TTLL4: variants seen among roughly 807,000 people sequenced by gnomAD.
TTLL4 encodes the protein tubulin monoglutamylase TTLL4.
A neutral mutation model predicts 122.7 loss-of-function variants in TTLL4; 85 were observed. The ratio of observed to expected loss-of-function variants is 0.69; its 90% CI spans 0.58 to 0.83. TTLL4 has a LOEUF of 0.83. Among genes scored for constraint, TTLL4 ranks in the 40% least tolerant of loss-of-function variants. TTLL4 has a pLI of 0.00. For synonymous variants in TTLL4, 553 were observed against 563.0 expected (o/e 0.98, Z 0.25); for missense variants, 1,363 against 1,488.6 (o/e 0.92, Z 1.39).
At chr2:218,753,374 A>C in intron 18 of TTLL4, 189 bp downstream of exon 18, 1 of 824,760 alleles carries the variant, frequency 1.2e-6, no homozygotes, top group Non-Finnish European at 1.9e-6. Context: ...CCTTTCTTTC[A>C]AGGATCAAAA....
chr2:218,714,856 G>A (rs975886323), intron 1 of TTLL4, among the ~76,000 whole-genome samples: 4 of 151,880 alleles, frequency 2.6e-5, no homozygotes, highest in African/African-American at 9.7e-5. Flanking sequence ...CAGTCCTCCC[G>A]CCTCAACCTC....
downstream of TTLL4, among the ~76,000 whole-genome samples, chr2:218,759,243 C>CT (rs914494737): frequency 6.6e-6 from 1 of 151,564 alleles, no homozygotes; most frequent in Non-Finnish European, 1.5e-5. Flanking sequence ...AACACTCCGT[C>CT]TCAATAAATA....
In TTLL4 at chr2:218,745,727, G is replaced by A. The variant is rs752584033; in HGVS notation, c.1823G>A (p.Arg608Gln). 1.1e-5 allele frequency: 17 copies of A among 1,612,952 alleles called. No individual in the cohort carries two copies. The African/African-American group carries it at 1.1e-4, about 10-fold the overall frequency. ...KLPWEQRKLL[R>Q]WKMSTVTPNI... ...CCCTGGGAACAGAGGAAGTTGCTCC[G>A]ATGGAAGATGAGCACAGTGACCCCC... The change falls in exon 7 of 20, where the codon CGA becomes CAA. Residue 608 changes from arginine (R) to glutamine (Q), a missense_variant. Physicochemically the swap from Arg to Gln is conservative, Grantham distance 43. Around this residue, in one of 3 missense-constraint regions of TTLL4, gnomAD observed 760 missense variants for 808.4 expected, o/e 0.94. Transcript: ENST00000392102.
At position 218,753,129 on chromosome 2, in the gene TTLL4, C is replaced by T. The variant is rs200243926; in HGVS notation, c.3202C>T (p.Arg1068Trp). Residue 1068 changes from arginine to tryptophan, a missense_variant, in exon 18 of 20, where the codon CGG (arginine) becomes TGG (tryptophan). Around this residue, in one of 3 missense-constraint regions of TTLL4, gnomAD observed 596 missense variants for 655.8 expected, o/e 0.91. Coordinates refer to ENST00000392102, the MANE Select transcript of TTLL4 (RefSeq NM_014640.5). Reference sequence around the variant, plus strand: ...TCTTGTCCTAGGAGTAGATCTGCTCCGGAGTTGGTGCTACAAAGGGTTCCA... The same window carrying T: ...TCTTGTCCTAGGAGTAGATCTGCTCTGGAGTTGGTGCTACAAAGGGTTCCA... The part of the protein sequence containing the change: ...GNKLKGVDLL[R>W]SWCYKGFHMG... 9.4e-5 allele frequency: 151 copies of T among 1,613,930 alleles called. No homozygotes were observed. Among genetic ancestry groups the T allele is most frequent in the Non-Finnish European group, 1.1e-4 (131 of 1,179,998 alleles).
At position 218,745,177 on chromosome 2, in the gene TTLL4, A is replaced by G; in HGVS notation, c.1730A>G (p.Tyr577Cys). The G allele has an allele frequency of 2.5e-6, 4 of 1,613,996 alleles. No homozygotes were observed. Among genetic ancestry groups the G allele is most frequent in the Non-Finnish European group, 2.5e-6 (3 of 1,179,978 alleles). The change falls in exon 6 of 20, where the codon TAC becomes TGC. Residue 577 changes from tyrosine (Y) to cysteine (C), a missense_variant. Physicochemically the swap from Tyr to Cys is radical, Grantham distance 194. Around this residue, in one of 3 missense-constraint regions of TTLL4, gnomAD observed 760 missense variants for 808.4 expected, o/e 0.94. Coordinates refer to ENST00000392102, the MANE Select transcript of TTLL4 (RefSeq NM_014640.5). ...AAAGTTGTCCGACCAGCCCTCATCTACAGTCTCTTTCCCAACGTTCCCCCT... is the reference window on the plus strand; with the variant it reads ...AAAGTTGTCCGACCAGCCCTCATCTGCAGTCTCTTTCCCAACGTTCCCCCT... ...HEKVVRPALI[Y>C]SLFPNVPPTI...
chr2:218,748,263 C>G (rs1257743689), intron 12 of TTLL4, 36 bp downstream of exon 12: 1 of 1,612,944 alleles, frequency 6.2e-7, no homozygotes, highest in Non-Finnish European at 8.5e-7. Context: ...CAGTGAAGGC[C>G]TAGAGGAATA....
chr2:218,728,899 T>C (rs1265725111), intron 2 of TTLL4, among the ~76,000 whole-genome samples: 5 of 149,034 alleles, frequency 3.4e-5, no homozygotes, highest in African/African-American at 1.3e-4. Context: ...GGTTGAGGCA[T>C]GGACAGGGAA....
intron 1 of TTLL4, among the ~76,000 whole-genome samples, chr2:218,719,231 G>C (rs1324474078): frequency 2.6e-5 from 4 of 152,110 alleles, no homozygotes; most frequent in African/African-American, 9.7e-5. Context: ...CCTTCTGCCA[G>C]CGTGGCTCTG....
chr2:218,719,035 GTTTTAT>G (rs1941952739), intron 1 of TTLL4, among the ~76,000 whole-genome samples: 1 of 152,106 alleles, frequency 6.6e-6, no homozygotes, highest in South Asian at 2.1e-4. Flanking sequence ...CTTTATTCAA[GTTTTAT>G]TTTTATTTTT....
At chr2:218,742,775 G>A (rs1942736598) in intron 5 of TTLL4, among the ~76,000 whole-genome samples, 1 of 152,186 alleles carries the variant, frequency 6.6e-6, no homozygotes. Flanking sequence ...GTAACATCTT[G>A]CAGAAGTACA....
At chr2:218,743,822 G>A (rs1174262214) in intron 5 of TTLL4, among the ~76,000 whole-genome samples, 2 of 152,116 alleles carry the variant, frequency 1.3e-5, no homozygotes, top group African/African-American at 2.4e-5. Flanking sequence ...TGGGACTACA[G>A]GCATGCGCCA....
In TTLL4 at chr2:218,754,284, T is replaced by C. The variant is rs1360179486; in HGVS notation, c.3495T>C (p.Ser1165=). 6.2e-7 allele frequency: 1 copy of C among 1,614,096 alleles called. No individual in the cohort carries two copies. Among genetic ancestry groups the C allele is most frequent in the Non-Finnish European group, 8.5e-7 (1 of 1,180,052 alleles). Residue 1165 remains serine, a synonymous_variant, in exon 20 of 20, where the codon TCT becomes TCC. Coordinates refer to ENST00000392102, the MANE Select transcript of TTLL4 (RefSeq NM_014640.5). ...SEDTSKEPSL[S]TQTLPVIKCS... Reference sequence around the variant, plus strand: ...ACACCAGCAAAGAGCCCAGCCTTTCTACCCAGACGTTACCTGTGATCAAGT... The same window carrying C: ...ACACCAGCAAAGAGCCCAGCCTTTCCACCCAGACGTTACCTGTGATCAAGT...
chr2:218,745,498 T>C (rs1942816056), intron 6 of TTLL4, 193 bp from the exon 7 acceptor site: 9 of 635,754 alleles, frequency 1.4e-5, no homozygotes, highest in South Asian at 1.4e-4. Context: ...GTCTTCCCTT[T>C]CTTTGTTCCT....
rs911125183 is a variant in TTLL4, at chr2:218,737,606, T to C, written c.-71T>C. ...TGACAGACTTCAAGGATGCAGCTGC[T>C]ACTACCGGAGGTGTGTGGCACCTTA... On this transcript the variant is annotated 5_prime_UTR_variant, in exon 3 of 20. Coordinates refer to ENST00000392102, the MANE Select transcript of TTLL4 (RefSeq NM_014640.5). 7 of 1,489,616 alleles carry C rather than the reference T, an allele frequency of 4.7e-6. No homozygotes were observed. Among genetic ancestry groups the C allele is most frequent in the African/African-American group, 1.4e-5 (1 of 70,998 alleles). 92.3% of individuals were successfully genotyped at this position (1,489,616 alleles called of 1,614,324 possible).
In TTLL4 at chr2:218,745,569, C is replaced by T. The variant is rs1048672513; in HGVS notation, c.1787-122C>T. The T allele has an allele frequency of 2.0e-5, 14 of 714,278 alleles. No individual in the cohort carries two copies. The African/African-American group carries it at 2.3e-4, about 12-fold the overall frequency. The allele number at this position is 714,278 out of a possible 1,614,324, so 44.2% of individuals were successfully genotyped here. On this transcript the variant is annotated intron_variant, in intron 6 of 19. Coordinates refer to ENST00000392102, the MANE Select transcript of TTLL4 (RefSeq NM_014640.5). ...GCTCCTCTGAAACCCTGATCTGGAG[C>T]AATAGTTAGTGACTTGCCTGCCCAG...
At chr2:218,734,485 C>T (rs141933266) in intron 2 of TTLL4, among the ~76,000 whole-genome samples, 12 of 152,214 alleles carry the variant, frequency 7.9e-5, no homozygotes, top group Non-Finnish European at 1.5e-4. Context: ...TGGTGGCATG[C>T]GCAGAGGTGA....
In TTLL4 at chr2:218,745,191, A is replaced by G. The variant is rs1473995479; in HGVS notation, c.1744A>G (p.Asn582Asp). 9 of 1,614,074 alleles carry G rather than the reference A, an allele frequency of 5.6e-6. No homozygotes were observed. Among genetic ancestry groups the G allele is most frequent in the Admixed American group, 1.7e-5 (1 of 60,020 alleles). ...AGCCCTCATCTACAGTCTCTTTCCC[A>G]ACGTTCCCCCTACCATCTATTTTGG... Reference protein sequence around the residue: ...RPALIYSLFPNVPPTIYFGTR... With the variant: ...RPALIYSLFPDVPPTIYFGTR... Residue 582 changes from asparagine (N) to aspartate (D), a missense_variant, in exon 6 of 20, where the codon AAC (asparagine) becomes GAC (aspartate). By Grantham distance (23) the Asn-to-Asp change is conservative. Coordinates refer to ENST00000392102, the MANE Select transcript of TTLL4 (RefSeq NM_014640.5).
rs144204191 is a variant in TTLL4 at position 218,726,481 on chromosome 2, C to T, written c.-177-788C>T. 2.9e-3 allele frequency among the ~76,000 whole-genome samples: 441 copies of T among 152,056 alleles called. 4 individuals are homozygous for T. Among genetic ancestry groups the T allele is most frequent in the African/African-American group, 9.4e-3 (388 of 41,462 alleles). ...AGTTTTCTGTTGTTTATTTTTTTTC[C>T]GAGACAGAGTCTCAGTCTGTCAGGC... On this transcript the variant is annotated intron_variant, in intron 1 of 19. Transcript: ENST00000392102.
chr2:218,711,328 T>G (rs1203263638), intron 1 of TTLL4, among the ~76,000 whole-genome samples: 1 of 152,240 alleles, frequency 6.6e-6, no homozygotes, highest in African/African-American at 2.4e-5. Context: ...CCCCTAGTTA[T>G]GGCCTCCGAG....
Sources: gnomAD v4.1 joint callset for allele counts (sites outside exome capture counted in the v4.1 genomes callset) on GRCh38, gnomAD v4.1.1 for gene constraint, gnomAD v4.1.1 regional missense constraint, MANE v1.5 for transcripts, NCBI Gene and HGNC (gene_info 2026-07-23, HGNC 2026-07-21) for gene names.